Variants in PPME1 observed in about 807,000 individuals in gnomAD.
The protein encoded by PPME1 is testicular secretory protein Li 39.
PPME1 carries 17 observed loss-of-function variants against 56.9 expected under a neutral mutation model. That is an observed-to-expected ratio of 0.30 (90% CI 0.20 to 0.45). PPME1 has a LOEUF of 0.45. Among genes scored for constraint, PPME1 ranks in the 20% least tolerant of loss-of-function variants. The probability of loss-of-function intolerance (pLI) is 1.00; values close to 1 mark genes in which losing one functional copy is unlikely to be tolerated. For missense variants in PPME1, 357 were observed against 483.2 expected, an observed-to-expected ratio of 0.74 and a Z score of 2.45; for synonymous variants, 122 against 156.2, an observed-to-expected ratio of 0.78 and a Z score of 1.63.
intron 1 of PPME1, among the ~76,000 whole-genome samples, chr11:74,197,555 C>T (rs1000983054): frequency 1.7e-4 from 26 of 151,982 alleles, no homozygotes; most frequent in African/African-American, 6.0e-4. Flanking sequence ...TACTATAATC[C>T]CCTAACATGA....
intron 1 of PPME1, among the ~76,000 whole-genome samples, chr11:74,178,408 A>AC (rs1338051206): frequency 6.6e-6 from 1 of 152,138 alleles, no homozygotes; most frequent in African/African-American, 2.4e-5. Flanking sequence ...ACTGGTTTAG[A>AC]CCAATTTTGA....
chr11:74,226,173 T>C (rs1026179777), intron 5 of PPME1, among the ~76,000 whole-genome samples: 1 of 152,196 alleles, frequency 6.6e-6, no homozygotes, highest in African/African-American at 2.4e-5. Context: ...CTGCCAACTT[T>C]CATTAAAGTA....
intron 8 of PPME1, among the ~76,000 whole-genome samples, chr11:74,236,442 C>G (rs1398606868): frequency 6.6e-6 from 1 of 152,138 alleles, no homozygotes; most frequent in Non-Finnish European, 1.5e-5. Context: ...ACATGGCATT[C>G]TGGGTATTGC....
intron 5 of PPME1, 67 bp downstream of exon 5, chr11:74,225,323 T>C (rs1234762608): frequency 1.9e-5 from 22 of 1,156,096 alleles, no homozygotes; most frequent in Non-Finnish European, 2.1e-5. Context: ...TACTATAACT[T>C]TATCACTTTC....
intron 3 of PPME1, 97 bp downstream of exon 3, chr11:74,204,542 A>G: frequency 1.9e-6 from 2 of 1,058,826 alleles, no homozygotes; most frequent in Non-Finnish European, 2.8e-6. Flanking sequence ...CTATTTGGGA[A>G]GCAGGAATTG....
chr11:74,243,608 A>T (rs569241883), intron 9 of PPME1: 1 of 152,234 alleles, frequency 6.6e-6, no homozygotes, highest in East Asian at 1.9e-4. Context: ...TTAGTTCTTT[A>T]GTGAGAATAT....
Position 74,251,980 on chromosome 11 carries a change from T to C in PPME1, c.1142+265T>C, listed in dbSNP as rs561259239. 8 of 666,314 alleles carry C rather than the reference T, an allele frequency of 1.2e-5. No homozygotes were observed. The African/African-American group carries it at 1.4e-4, about 12-fold the overall frequency. The allele number at this position is 666,314 out of a possible 1,614,324, so 41.3% of individuals were successfully genotyped here. A position where few individuals can be genotyped will look rare whatever the true frequency, so the allele number is the denominator to read the frequency against. On this transcript the variant is annotated intron_variant, in intron 13 of 13. Coordinates refer to ENST00000328257, the MANE Select transcript of PPME1 (RefSeq NM_016147.3). ...ACTCCCCACTGTGATGTGCATTTCT[T>C]CTTGAGGTGCCCCTTTGAGGAGGCT...
intron 3 of PPME1, among the ~76,000 whole-genome samples, chr11:74,214,574 G>C (rs921075365): frequency 2.0e-5 from 3 of 151,498 alleles, no homozygotes; most frequent in Non-Finnish European, 2.9e-5. Context: ...AAAGCAGAAA[G>C]AGAAAAGAAA....
chr11:74,181,030 CTTTTTT>C (rs1005872237), intron 1 of PPME1, among the ~76,000 whole-genome samples: 1 of 96,148 alleles, frequency 1.0e-5, no homozygotes, highest in African/African-American at 4.3e-5. Flanking sequence ...ATTTTCTTCA[CTTTTTT>C]TTTTTTTTTT....
At chr11:74,210,525 T>C (rs1353254600) in intron 3 of PPME1, among the ~76,000 whole-genome samples, 3 of 152,334 alleles carry the variant, frequency 2.0e-5, no homozygotes, top group East Asian at 1.9e-4. Flanking sequence ...GTTTAGGTCA[T>C]GGGAGTGGAT....
chr11:74,189,470 A>T (rs1034669804), intron 1 of PPME1, among the ~76,000 whole-genome samples: 4 of 151,960 alleles, frequency 2.6e-5, no homozygotes, highest in Admixed American at 1.3e-4. Flanking sequence ...TGTATTTTTC[A>T]TAGAGACAGT....
chr11:74,172,236 A>G (rs1857269673), intron 1 of PPME1, among the ~76,000 whole-genome samples: 1 of 152,114 alleles, frequency 6.6e-6, no homozygotes, highest in African/African-American at 2.4e-5. Context: ...TGGACAGGAT[A>G]AGGGAGAGAG....
In PPME1 at chr11:74,250,995, G is replaced by A. The variant is rs778947333; in HGVS notation, c.1051G>A (p.Val351Ile). 2 of 1,600,648 alleles carry A rather than the reference G, an allele frequency of 1.2e-6. No individual in the cohort carries two copies. Among genetic ancestry groups the A allele is most frequent in the South Asian group, 1.1e-5 (1 of 88,076 alleles). The change falls in exon 12 of 14, where the codon GTC becomes ATC. Residue 351 changes from valine to isoleucine, a missense_variant. Coordinates refer to ENST00000328257, the MANE Select transcript of PPME1 (RefSeq NM_016147.3). ...MQVLPQCGHA[V>I]HEDAPDKVAE... ...GGTCCTACCCCAGTGTGGCCATGCAGTCCATGAGGATGCCCCTGACAAGGT... is the reference window on the plus strand; with the variant it reads ...GGTCCTACCCCAGTGTGGCCATGCAATCCATGAGGATGCCCCTGACAAGGT...
At chr11:74,193,386 G>T (rs1460174998) in intron 1 of PPME1, among the ~76,000 whole-genome samples, 1 of 152,160 alleles carries the variant, frequency 6.6e-6, no homozygotes, top group Non-Finnish European at 1.5e-5. Context: ...TGTGTATAAG[G>T]TCTTTATTAA....
chr11:74,220,375 A>G (rs1215101213), intron 3 of PPME1, among the ~76,000 whole-genome samples: 1 of 152,184 alleles, frequency 6.6e-6, no homozygotes, highest in Non-Finnish European at 1.5e-5. Flanking sequence ...TTGGGTATAC[A>G]TTAGAATCAC....
chr11:74,217,370 C>T (rs984607595), intron 3 of PPME1, among the ~76,000 whole-genome samples: 1 of 151,694 alleles, frequency 6.6e-6, no homozygotes, highest in Admixed American at 6.6e-5. Context: ...GGTGAAACCC[C>T]GTCTCTTCTA....
chr11:74,219,169 G>A (rs1591047501), intron 3 of PPME1, among the ~76,000 whole-genome samples: 1 of 151,948 alleles, frequency 6.6e-6, no homozygotes, highest in Non-Finnish European at 1.5e-5. Flanking sequence ...AAATGGAAAT[G>A]AAAACTATAA....
intron 9 of PPME1, among the ~76,000 whole-genome samples, chr11:74,241,607 G>T (rs1377872210): frequency 6.6e-6 from 1 of 152,188 alleles, no homozygotes; most frequent in Admixed American, 6.5e-5. Flanking sequence ...ATTCGCACTT[G>T]CAGTGTATGC....
At chr11:74,242,157 G>A (rs1024875778) in intron 9 of PPME1, among the ~76,000 whole-genome samples, 6 of 152,258 alleles carry the variant, frequency 3.9e-5, no homozygotes, top group African/African-American at 1.4e-4. Flanking sequence ...ATGATATCAG[G>A]AATGGAACCA....
Sources: allele counts gnomAD v4.1 joint callset (sites outside exome capture counted in the v4.1 genomes callset), GRCh38; gene constraint gnomAD v4.1.1; transcripts MANE v1.5; gene names NCBI Gene and HGNC (gene_info 2026-07-23, HGNC 2026-07-21).